JMY: variants seen among roughly 807,000 people sequenced by gnomAD.
JMY encodes the protein junction mediating and regulatory protein, p53 cofactor, also known as junction-mediating and -regulatory protein.
JMY carries 46 observed loss-of-function variants against 103.3 expected under a neutral mutation model. That is an observed-to-expected ratio of 0.45 (90% CI 0.35 to 0.57). The LOEUF (loss-of-function observed/expected upper bound fraction) is 0.57. JMY is among the 20% of genes least tolerant of loss of function. The pLI is 0.00. For synonymous variants in JMY, 526 were observed against 489.3 expected (o/e 1.07, Z -0.99); for missense variants, 1,238 against 1,255.2 (o/e 0.99, Z 0.21).
At position 79,236,947 on chromosome 5, in the gene JMY, T is replaced by G. The variant is rs1744527862; in HGVS notation, c.297T>G (p.Val99=). 1 of 1,446,142 alleles carries G rather than the reference T, an allele frequency of 6.9e-7. No homozygotes were observed. The allele number at this position is 1,446,142 out of a possible 1,614,324, so 89.6% of individuals were successfully genotyped here. The part of the protein sequence containing the change: ...RPEATASATL[V]RSPGPRRSSA... ...AGGCCACTGCCTCTGCAACTCTGGT[T>G]AGGAGCCCCGGGCCCCGGCGGAGCT... Residue 99 remains valine (V), a synonymous_variant, in exon 1 of 11, where the codon GTT becomes GTG. Transcript: ENST00000396137.
At chr5:79,295,763 C>T (rs1297925621) in intron 4 of JMY, among the ~76,000 whole-genome samples, 1 of 152,106 alleles carries the variant, frequency 6.6e-6, no homozygotes, top group Non-Finnish European at 1.5e-5. Flanking sequence ...TTTTTGAGGT[C>T]CTTGTCCAGG....
chr5:79,283,423 A>G (rs1166354083), intron 2 of JMY, among the ~76,000 whole-genome samples: 1 of 152,246 alleles, frequency 6.6e-6, no homozygotes, highest in Non-Finnish European at 1.5e-5. Context: ...GTATGATAGG[A>G]AAGAAGAGAA....
intron 4 of JMY, among the ~76,000 whole-genome samples, chr5:79,299,306 T>C (rs1472498865): frequency 6.6e-6 from 1 of 152,184 alleles, no homozygotes; most frequent in Non-Finnish European, 1.5e-5. Context: ...CCTTCACATC[T>C]CACTGACTCT....
rs564128235 is a variant in JMY, at chr5:79,249,404, ATATGCC to A, written c.1032+11723_1032+11728del. 1.1e-4 allele frequency among the ~76,000 whole-genome samples: 16 copies of A among 152,332 alleles called. No individual in the cohort carries two copies. The East Asian group carries it at 3.1e-3, about 29-fold the overall frequency. ...AACATTAGTTTACCAAAAGGAAATG[ATATGCC>A]AGCTCATAGTGAAGCTGCCTAGATG... On this transcript the variant is annotated intron_variant, in intron 1 of 10. Transcript: ENST00000396137.
chr5:79,247,550 C>T (rs1229942255), intron 1 of JMY, among the ~76,000 whole-genome samples: 2 of 152,152 alleles, frequency 1.3e-5, no homozygotes, highest in African/African-American at 4.8e-5. Context: ...CTCCTGAGCT[C>T]AAGCCATCTG....
Position 79,236,603 on chromosome 5 carries a change from GCGGGC to G in JMY, c.-39_-35del. ...GGCGCAGCCAGCGGGGAGTCCTCGG[GCGGGC>G]CGGGCCGGCGGCCCTTCCCCGCGGC... On this transcript the variant is annotated 5_prime_UTR_variant, in exon 1 of 11. Coordinates refer to ENST00000396137, the MANE Select transcript of JMY (RefSeq NM_152405.5). 1 of 1,325,236 alleles carries G rather than the reference GCGGGC, an allele frequency of 7.5e-7. No homozygotes were observed. The highest frequency in any genetic ancestry group is 9.7e-7 in the Non-Finnish European group (1 of 1,025,920). 82.1% of individuals were successfully genotyped at this position (1,325,236 alleles called of 1,614,324 possible). A position where few individuals can be genotyped will look rare whatever the true frequency, so the allele number is the denominator to read the frequency against.
chr5:79,249,270 C>T (rs1017368506), intron 1 of JMY, among the ~76,000 whole-genome samples: 3 of 152,198 alleles, frequency 2.0e-5, no homozygotes, highest in African/African-American at 7.2e-5. Context: ...AGTCCTCCTG[C>T]ATTGGCCTCC....
At chr5:79,255,232 G>T (rs551704831) in intron 1 of JMY, among the ~76,000 whole-genome samples, 1 of 150,830 alleles carries the variant, frequency 6.6e-6, no homozygotes, top group South Asian at 2.1e-4. Flanking sequence ...GAGTACCTGG[G>T]ATTACAGGCA....
At position 79,237,470 on chromosome 5, in the gene JMY, G is replaced by C; in HGVS notation, c.820G>C (p.Ala274Pro). 1 of 1,609,610 alleles carries C rather than the reference G, an allele frequency of 6.2e-7. No homozygotes were observed. The highest frequency in any genetic ancestry group is 1.4e-5 in the African/African-American group (1 of 73,646). Reference protein sequence around the residue: ...SGMWTVLFGGAPEMTEQEIDT... With the variant: ...SGMWTVLFGGPPEMTEQEIDT... ...CATGTGGACTGTGCTGTTTGGGGGC[G>C]CCCCCGAGATGACCGAGCAGGAAAT... The change falls in exon 1 of 11, where the codon GCC becomes CCC. Residue 274 changes from alanine (A) to proline (P), a missense_variant. Ala to Pro is a conservative substitution (Grantham distance 27). Transcript: ENST00000396137.
intron 1 of JMY, among the ~76,000 whole-genome samples, chr5:79,247,265 G>A (rs1744932006): frequency 1.3e-5 from 2 of 151,956 alleles, no homozygotes; most frequent in Non-Finnish European, 2.9e-5. Context: ...TTTTGTTTGG[G>A]ATTAGAGAAT....
In JMY at chr5:79,314,565, C is replaced by T; in HGVS notation, c.2373C>T (p.Asn791=). 1 of 1,614,132 alleles carries T rather than the reference C, an allele frequency of 6.2e-7. No individual in the cohort carries two copies. Among genetic ancestry groups the T allele is most frequent in the Non-Finnish European group, 8.5e-7 (1 of 1,179,996 alleles). Residue 791 remains asparagine (N), a synonymous_variant, in exon 9 of 11, where the codon AAC becomes AAT. Transcript: ENST00000396137. ...PPTISLPLLN[N]NLEPCSVTIN... The stretch of plus-strand genomic sequence containing the variant: ...CTATATCTCTTCCACTTTTGAATAA[C>T]AACCTCGAACCATGTTCTGTTACCA...
intron 2 of JMY, among the ~76,000 whole-genome samples, chr5:79,281,659 A>T (rs1746119085): frequency 6.6e-6 from 1 of 152,200 alleles, no homozygotes; most frequent in South Asian, 2.1e-4. Flanking sequence ...AGCCAAATAC[A>T]AAAGAATATA....
Position 79,316,324 on chromosome 5 carries a change from T to C in JMY, c.*3+14T>C, listed in dbSNP as rs372395795. On this transcript the variant is annotated intron_variant, in intron 10 of 10. Transcript: ENST00000396137. The stretch of plus-strand genomic sequence containing the variant: ...GAGAACTAACAAGTAAACGGCCTTA[T>C]TGTCTTTAGTAGCATTCAGTAATAC... The C allele has an allele frequency of 7.0e-6, 11 of 1,577,310 alleles. No individual in the cohort carries two copies. Among genetic ancestry groups the C allele is most frequent in the African/African-American group, 4.1e-5 (3 of 73,756 alleles).
At chr5:79,290,901 C>A (rs1161507993) in intron 3 of JMY, among the ~76,000 whole-genome samples, 1 of 152,156 alleles carries the variant, frequency 6.6e-6, no homozygotes, top group Non-Finnish European at 1.5e-5. Context: ...CAGAGAATTG[C>A]TTGAACCCGG....
At chr5:79,305,725 A>G (rs975859191) in intron 6 of JMY, among the ~76,000 whole-genome samples, 1 of 152,124 alleles carries the variant, frequency 6.6e-6, no homozygotes, top group Non-Finnish European at 1.5e-5. Flanking sequence ...TTGACTTTCT[A>G]GTCTTCCAGG....
chr5:79,264,778 A>G (rs1482925242), intron 1 of JMY, among the ~76,000 whole-genome samples: 1 of 152,198 alleles, frequency 6.6e-6, no homozygotes, highest in Non-Finnish European at 1.5e-5. Flanking sequence ...ATAACTAAAA[A>G]TGCTTCAGTA....
rs1336947542 is a variant in JMY, at chr5:79,237,462, T to C, written c.812T>C (p.Phe271Ser). The C allele has an allele frequency of 1.2e-6, 2 of 1,603,794 alleles. No individual in the cohort carries two copies. Among genetic ancestry groups the C allele is most frequent in the African/African-American group, 2.8e-5 (2 of 71,698 alleles). Residue 271 changes from phenylalanine (F) to serine (S), a missense_variant, in exon 1 of 11, where the codon TTT becomes TCT. Transcript: ENST00000396137. The stretch of plus-strand genomic sequence containing the variant: ...CCTTCGGGCATGTGGACTGTGCTGT[T>C]TGGGGGCGCCCCCGAGATGACCGAG... ...EEPSGMWTVL[F>S]GGAPEMTEQE... is the part of the protein sequence containing the mutation.
chr5:79,292,427 A>T (rs984293994), intron 4 of JMY, among the ~76,000 whole-genome samples: 1 of 151,732 alleles, frequency 6.6e-6, no homozygotes, highest in Non-Finnish European at 1.5e-5. Flanking sequence ...AAGCAGTCCT[A>T]CCTCAGGCTC....
Position 79,236,861 on chromosome 5 carries a change from G to T in JMY, c.211G>T (p.Gly71Cys). ...QAGARGGAEA[G>C]GAASDGSRGP... ...GGGGGCGCGAGGGGGCGCCGAGGCC[G>T]GCGGAGCTGCGTCCGACGGGAGCCG... is the stretch of plus-strand genomic sequence containing the variant. The change falls in exon 1 of 11, where the codon GGC becomes TGC. Residue 71 changes from glycine (G) to cysteine (C), a missense_variant. By Grantham distance (159) the Gly-to-Cys change is radical. Transcript: ENST00000396137. 6.9e-7 allele frequency: 1 copy of T among 1,442,674 alleles called. No homozygotes were observed. The highest frequency in any genetic ancestry group is 9.2e-7 in the Non-Finnish European group (1 of 1,092,310). 89.4% of individuals were successfully genotyped at this position (1,442,674 alleles called of 1,614,324 possible). A position where few individuals can be genotyped will look rare whatever the true frequency, so the allele number is the denominator to read the frequency against.
Sources: allele counts gnomAD v4.1 joint callset (sites outside exome capture counted in the v4.1 genomes callset), GRCh38; gene constraint gnomAD v4.1.1; transcripts MANE v1.5; gene names NCBI Gene and HGNC (gene_info 2026-07-23, HGNC 2026-07-21).